MICU1: variants seen among roughly 807,000 people sequenced by gnomAD.
MICU1 encodes calcium uptake protein 1, mitochondrial.
Under a neutral mutation model 56.8 loss-of-function variants are expected in MICU1, and 45 were observed. The observed-to-expected ratio is 0.79, with a 90% CI of 0.62 to 1.02. MICU1 has a LOEUF of 1.02. Among genes scored for constraint, MICU1 ranks in the 50% least tolerant of loss-of-function variants. MICU1 has a pLI of 0.00. For synonymous variants in MICU1, 186 were observed against 195.1 expected, an observed-to-expected ratio of 0.95 and a Z score of 0.39; for missense variants, 504 against 587.1, an observed-to-expected ratio of 0.86 and a Z score of 1.46.
At chr10:72,442,565 C>T (rs1045286066) in intron 8 of MICU1, among the ~76,000 whole-genome samples, 11 of 152,132 alleles carry the variant, frequency 7.2e-5, no homozygotes, top group South Asian at 4.1e-4. Flanking sequence ...CTCTAAAAGA[C>T]GACTTGTTTT....
At chr10:72,459,467 C>T (rs1181410351) in intron 8 of MICU1, among the ~76,000 whole-genome samples, 1 of 152,144 alleles carries the variant, frequency 6.6e-6, no homozygotes, top group Non-Finnish European at 1.5e-5. Context: ...CTTATCTCAC[C>T]AATACCAGCA....
In MICU1 at chr10:72,479,024, C is replaced by T. The variant is rs562171103; in HGVS notation, c.653-1768G>A. On this transcript the variant is annotated intron_variant, in intron 6 of 11. Transcript: ENST00000361114. ...ATTTTTGCTACCTGTCTGAATGTTA[C>T]ATTTTACTGAGGAGTTACTATGTGG... Among the ~76,000 whole-genome samples, 14 of 152,288 alleles carry T rather than the reference C, an allele frequency of 9.2e-5. No homozygotes were observed. In the South Asian group the frequency reaches 2.5e-3, roughly 27 times the overall value.
chr10:72,586,621 C>T (rs558057347), intron 1 of MICU1, among the ~76,000 whole-genome samples: 4 of 151,086 alleles, frequency 2.6e-5, no homozygotes, highest in East Asian at 2.0e-4. Flanking sequence ...CACTGTACTC[C>T]GGCCTGGGCA....
At chr10:72,488,485 G>C (rs1163903542) in intron 6 of MICU1, among the ~76,000 whole-genome samples, 1 of 152,010 alleles carries the variant, frequency 6.6e-6, no homozygotes, top group African/African-American at 2.4e-5. Context: ...ATATAATGAA[G>C]TACACAAGTT....
Position 72,525,683 on chromosome 10 carries a change from T to C in MICU1, c.537+8063A>G, listed in dbSNP as rs114107746. The stretch of plus-strand genomic sequence containing the variant: ...AAGTAAACGAAGAAAGAAAATCATA[T>C]ATATGATAGCAGAGAACTCCTTTCT... On this transcript the variant is annotated intron_variant, in intron 5 of 11. Transcript: ENST00000361114. Among the ~76,000 whole-genome samples, 1,047 of 152,310 alleles carry C rather than the reference T, an allele frequency of 6.9e-3. 12 individuals are homozygous for C. The highest frequency in any genetic ancestry group is 0.024 in the African/African-American group (985 of 41,564).
At chr10:72,578,371 C>G (rs1030313879) in intron 1 of MICU1, among the ~76,000 whole-genome samples, 1 of 151,864 alleles carries the variant, frequency 6.6e-6, no homozygotes. Context: ...GATTCTGCTG[C>G]CTCAGCCTCC....
chr10:72,545,550 T>C (rs1839875106), intron 4 of MICU1, among the ~76,000 whole-genome samples: 3 of 152,212 alleles, frequency 2.0e-5, no homozygotes, highest in Admixed American at 2.0e-4. Flanking sequence ...GTTAAATTAT[T>C]ATGTAAGATC....
chr10:72,451,062 G>T (rs1345161876), intron 8 of MICU1, among the ~76,000 whole-genome samples: 2 of 116,478 alleles, frequency 1.7e-5, no homozygotes, highest in East Asian at 2.4e-4. Flanking sequence ...GTCTTGCTCT[G>T]TTGCCAGACT....
chr10:72,594,428 A>G (rs140201839), intron 1 of MICU1, among the ~76,000 whole-genome samples: 65 of 150,964 alleles, frequency 4.3e-4, no homozygotes, highest in African/African-American at 1.4e-3. Context: ...CCTAAATGTA[A>G]CACCTAAAAT....
intron 1 of MICU1, 147 bp downstream of exon 1, chr10:72,625,863 C>T (rs1404988873): frequency 1.3e-5 from 2 of 152,576 alleles, no homozygotes; most frequent in Non-Finnish European, 2.9e-5. Flanking sequence ...ACAGGTATCC[C>T]GCCAGACCCG....
chr10:72,403,748 T>G (rs1454241854), intron 10 of MICU1, among the ~76,000 whole-genome samples: 1 of 151,448 alleles, frequency 6.6e-6, no homozygotes, highest in African/African-American at 2.4e-5. Flanking sequence ...CTCTGCCTCC[T>G]GGGTTCACGC....
intron 1 of MICU1, among the ~76,000 whole-genome samples, chr10:72,605,588 T>G (rs547088678): frequency 6.6e-6 from 1 of 152,160 alleles, no homozygotes; most frequent in South Asian, 2.1e-4. Flanking sequence ...CTGTGATAGT[T>G]TGAAAGGTAA....
In MICU1 at chr10:72,454,434, A is replaced by G. The variant is rs143999667; in HGVS notation, c.933+20666T>C. 2.8e-3 allele frequency among the ~76,000 whole-genome samples: 420 copies of G among 151,870 alleles called. 3 individuals carry two copies. Among genetic ancestry groups the G allele is most frequent in the African/African-American group, 9.6e-3 (396 of 41,434 alleles). On this transcript the variant is annotated intron_variant, in intron 8 of 11. Coordinates refer to ENST00000361114, the MANE Select transcript of MICU1 (RefSeq NM_001195518.2). Reference sequence around the variant, plus strand: ...ATGCCATTGCACTCCAGCCTGGGCAACAAGAGTGAAACTCCGTCTCACATT... The same window carrying G: ...ATGCCATTGCACTCCAGCCTGGGCAGCAAGAGTGAAACTCCGTCTCACATT...
chr10:72,368,210 A>C lies in MICU1; in HGVS notation c.1416T>G (p.Ala472=). 1 of 1,612,960 alleles carries C rather than the reference A, an allele frequency of 6.2e-7. No homozygotes were observed. Among genetic ancestry groups the C allele is most frequent in the Non-Finnish European group, 8.5e-7 (1 of 1,179,536 alleles). ...CAGTGTGGGGTTACTGTTTGGGTAA[A>C]GCGAAGTCCCAGGCAGTTTCCTGTG... is the stretch of plus-strand genomic sequence containing the variant. The part of the protein sequence containing the change: ...KCAQETAWDF[A]LPKQ Residue 472 remains alanine, a synonymous_variant, in exon 12 of 12, where the codon GCT becomes GCG. Transcript: ENST00000361114.
intron 3 of MICU1, among the ~76,000 whole-genome samples, chr10:72,555,002 G>C (rs575985235): frequency 2.8e-4 from 43 of 152,258 alleles, no homozygotes; most frequent in Admixed American, 2.7e-3. Flanking sequence ...GTGATAGAGA[G>C]AGACTCTATC....
At chr10:72,555,083 G>C (rs1047998052) in intron 3 of MICU1, among the ~76,000 whole-genome samples, 1 of 152,050 alleles carries the variant, frequency 6.6e-6, no homozygotes, top group African/African-American at 2.4e-5. Context: ...ATGTGACGTT[G>C]AACAATAAAA....
intron 1 of MICU1, among the ~76,000 whole-genome samples, chr10:72,574,078 T>C (rs968208372): frequency 6.6e-6 from 1 of 152,296 alleles, no homozygotes; most frequent in East Asian, 1.9e-4. Flanking sequence ...TACTTGGCTC[T>C]TCCAATCCTT....
intron 10 of MICU1, among the ~76,000 whole-genome samples, chr10:72,381,694 C>T (rs183154312): frequency 2.2e-4 from 34 of 152,236 alleles, no homozygotes; most frequent in Non-Finnish European, 2.9e-4. Context: ...GGACACACCA[C>T]GGAGAAGATC....
chr10:72,411,254 G>A (rs562056302), intron 9 of MICU1, among the ~76,000 whole-genome samples: 6 of 152,146 alleles, frequency 3.9e-5, no homozygotes, highest in Non-Finnish European at 7.4e-5. Context: ...GAAGGTGAAC[G>A]GGTTCTGGAA....
Sources: gnomAD v4.1 joint callset for allele counts (sites outside exome capture counted in the v4.1 genomes callset) on GRCh38, gnomAD v4.1.1 for gene constraint, MANE v1.5 for transcripts, NCBI Gene and HGNC (gene_info 2026-07-23, HGNC 2026-07-21) for gene names.